Variants in WWC2 observed in about 807,000 individuals in gnomAD.
WWC2 encodes protein WWC2.
In WWC2, 101 loss-of-function variants were observed where a neutral mutation model predicts 138.5. That is an observed-to-expected ratio of 0.73 (90% confidence interval 0.62 to 0.86). WWC2 has a LOEUF of 0.86. Among genes scored for constraint, WWC2 ranks in the 40% least tolerant of loss-of-function variants. WWC2 has a pLI of 0.00. For missense variants in WWC2, 1,420 were observed against 1,419.4 expected (o/e 1.00, Z -0.01); for synonymous variants, 558 against 538.4 (o/e 1.04, Z -0.50).
rs1737314600 is a variant in WWC2 at position 183,261,182 on chromosome 4, G to C, written c.1559G>C (p.Ser520Thr). 2.5e-6 allele frequency: 4 copies of C among 1,613,652 alleles called. No homozygotes were observed. The highest frequency in any genetic ancestry group is 1.7e-5 in the Admixed American group (1 of 59,974). Residue 520 changes from serine to threonine, a missense_variant, in exon 11 of 23, where the codon AGT becomes ACT. Ser to Thr is a moderately conservative substitution (Grantham distance 58). Coordinates refer to ENST00000403733, the MANE Select transcript of WWC2 (RefSeq NM_024949.6). ...VVKSPSQPGQ[S>T]GLCGVAAAAT... ...AAGTCCCCTAGCCAGCCTGGCCAGA[G>C]TGGACTCTGTGGAGTGGCAGCTGCA...
At chr4:183,229,175 G>T (rs1736165961) in intron 4 of WWC2, among the ~76,000 whole-genome samples, 2 of 152,080 alleles carry the variant, frequency 1.3e-5, no homozygotes, top group Admixed American at 6.5e-5. Context: ...TCGCTGAGTT[G>T]CTACGCTTAA....
chr4:183,248,317 TG>T (rs928225796), intron 6 of WWC2, among the ~76,000 whole-genome samples: 10 of 152,254 alleles, frequency 6.6e-5, no homozygotes, highest in Non-Finnish European at 1.3e-4. Flanking sequence ...GTTCTTTTAC[TG>T]TATCTAAAAT....
intron 1 of WWC2, among the ~76,000 whole-genome samples, chr4:183,181,846 C>G (rs1734642345): frequency 6.6e-6 from 1 of 152,146 alleles, no homozygotes; most frequent in East Asian, 1.9e-4. Flanking sequence ...AGATGTCACT[C>G]TACAGGAAAG....
Position 183,263,153 on chromosome 4 carries a change from G to A in WWC2, c.1909+1621G>A, listed in dbSNP as rs372216585. Among the ~76,000 whole-genome samples, 40 of 152,286 alleles carry A rather than the reference G, an allele frequency of 2.6e-4. No individual in the cohort carries two copies. In the East Asian group the frequency reaches 5.4e-3, roughly 21 times the overall value. ...AGAAAATGGAATGTTCTGTGCCAGCGTTCCTTCCTGTGCTTTGAACTTACA... is the reference window on the plus strand; with the variant it reads ...AGAAAATGGAATGTTCTGTGCCAGCATTCCTTCCTGTGCTTTGAACTTACA... On this transcript the variant is annotated intron_variant, in intron 11 of 22. Transcript: ENST00000403733.
intron 1 of WWC2, among the ~76,000 whole-genome samples, chr4:183,184,864 A>G (rs1156967456): frequency 1.3e-5 from 2 of 152,206 alleles, no homozygotes; most frequent in Non-Finnish European, 2.9e-5. Flanking sequence ...TTAAAATTAA[A>G]TGAAGTGTCT....
At chr4:183,290,046 T>C (rs1480947461) in intron 21 of WWC2, among the ~76,000 whole-genome samples, 4 of 152,214 alleles carry the variant, frequency 2.6e-5, no homozygotes, top group African/African-American at 9.6e-5. Context: ...TATAGATATC[T>C]TTTTAAGGTT....
intron 1 of WWC2, among the ~76,000 whole-genome samples, chr4:183,142,780 A>C (rs1342149731): frequency 6.6e-6 from 1 of 152,244 alleles, no homozygotes; most frequent in Non-Finnish European, 1.5e-5. Context: ...TCTGGCTTAC[A>C]TTCAGCAGCA....
intron 21 of WWC2, among the ~76,000 whole-genome samples, chr4:183,301,091 T>C (rs1738825663): frequency 6.6e-6 from 1 of 152,226 alleles, no homozygotes; most frequent in Admixed American, 6.5e-5. Context: ...AGAGTGATTT[T>C]TTTTCTTATG....
At position 183,264,266 on chromosome 4, in the gene WWC2, G is replaced by A. The variant is rs574107327; in HGVS notation, c.1910-712G>A. Reference sequence around the variant, plus strand: ...AATGCATACCAATACAGATCCCTGCGCTCACTCTCACTCACTGGAGGATGA... The same window carrying A: ...AATGCATACCAATACAGATCCCTGCACTCACTCTCACTCACTGGAGGATGA... On this transcript the variant is annotated intron_variant, in intron 11 of 22. Transcript: ENST00000403733. Among the ~76,000 whole-genome samples, 97 of 152,290 alleles carry A rather than the reference G, an allele frequency of 6.4e-4. 3 individuals carry two copies. The South Asian group carries it at 0.018, about 29-fold the overall frequency.
intron 21 of WWC2, among the ~76,000 whole-genome samples, chr4:183,304,379 C>T (rs1266375453): frequency 6.6e-6 from 1 of 152,138 alleles, no homozygotes; most frequent in African/African-American, 2.4e-5. Flanking sequence ...AAGTCGGGGG[C>T]TCTCCACACT....
chr4:183,269,045 C>T lies in WWC2; in HGVS notation c.2282C>T (p.Thr761Ile). 1 of 1,613,964 alleles carries T rather than the reference C, an allele frequency of 6.2e-7. No homozygotes were observed. The highest frequency in any genetic ancestry group is 8.5e-7 in the Non-Finnish European group (1 of 1,179,876). ...TTTCGCACAAAAGTTCATCCGCCCA[C>T]AGAATCCATTTTATTCAATGATGTG... Reference protein sequence around the residue: ...CLFRTKVHPPTESILFNDVFR... With the variant: ...CLFRTKVHPPIESILFNDVFR... Residue 761 changes from threonine to isoleucine, a missense_variant, in exon 15 of 23, where the codon ACA becomes ATA. Coordinates refer to ENST00000403733, the MANE Select transcript of WWC2 (RefSeq NM_024949.6).
At chr4:183,297,278 G>T (rs1738664611) in intron 21 of WWC2, among the ~76,000 whole-genome samples, 1 of 151,774 alleles carries the variant, frequency 6.6e-6, no homozygotes, top group Non-Finnish European at 1.5e-5. Flanking sequence ...CAGCCTAGAG[G>T]ATTTGTGATC....
chr4:183,295,497 G>A (rs552411037), intron 21 of WWC2, among the ~76,000 whole-genome samples: 1 of 152,320 alleles, frequency 6.6e-6, no homozygotes, highest in East Asian at 1.9e-4. Flanking sequence ...CCATGTGAGG[G>A]CCCCTGCCCT....
chr4:183,274,154 T>TG (rs1737780920), intron 16 of WWC2, among the ~76,000 whole-genome samples: 1 of 152,224 alleles, frequency 6.6e-6, no homozygotes, highest in African/African-American at 2.4e-5. Flanking sequence ...TCAGGAAGTG[T>TG]GGTTCTTCCA....
intron 4 of WWC2, among the ~76,000 whole-genome samples, chr4:183,231,233 A>G (rs991285337): frequency 5.5e-5 from 6 of 108,866 alleles, no homozygotes; most frequent in Admixed American, 1.0e-4. Flanking sequence ...AAGGGAAATT[A>G]TTATTCCAAC....
intron 4 of WWC2, among the ~76,000 whole-genome samples, chr4:183,215,007 G>C (rs998174709): frequency 1.3e-5 from 2 of 152,172 alleles, no homozygotes; most frequent in Admixed American, 6.5e-5. Context: ...ATTTGGAAAT[G>C]AATTTGTATT....
chr4:183,309,373 C>G (rs981942980), intron 21 of WWC2, among the ~76,000 whole-genome samples: 2 of 152,186 alleles, frequency 1.3e-5, no homozygotes, highest in African/African-American at 2.4e-5. Flanking sequence ...ACAAAAAACT[C>G]TTAAAACTCA....
chr4:183,263,662 T>C (rs910900311), intron 11 of WWC2, among the ~76,000 whole-genome samples: 3 of 152,200 alleles, frequency 2.0e-5, no homozygotes, highest in South Asian at 2.1e-4. Flanking sequence ...TAGACATCTG[T>C]AGTCCCAGGA....
At chr4:183,188,507 G>A (rs1355956891) in intron 1 of WWC2, among the ~76,000 whole-genome samples, 1 of 151,844 alleles carries the variant, frequency 6.6e-6, no homozygotes, top group Non-Finnish European at 1.5e-5. Flanking sequence ...CAAAATGCTG[G>A]GATTACAGGT....
Sources: allele counts gnomAD v4.1 joint callset (sites outside exome capture counted in the v4.1 genomes callset), GRCh38; gene constraint gnomAD v4.1.1; transcripts MANE v1.5; gene names NCBI Gene and HGNC (gene_info 2026-07-23, HGNC 2026-07-21).